Variants in VRTN observed in about 807,000 individuals in gnomAD.
The protein encoded by VRTN is vertnin.
A neutral mutation model predicts 18.2 loss-of-function variants in VRTN; 5 were observed. That is an observed-to-expected ratio of 0.27 (90% CI 0.14 to 0.58). The LOEUF (loss-of-function observed/expected upper bound fraction) is 0.58, where lower values mean the gene tolerates loss of function less well. VRTN is among the 20% of genes least tolerant of loss of function. The probability of loss-of-function intolerance (pLI) is 0.91; values close to 1 mark genes in which losing one functional copy is unlikely to be tolerated. For synonymous variants in VRTN, 381 were observed against 393.7 expected (o/e 0.97, Z 0.38); for missense variants, 741 against 939.4 (o/e 0.79, Z 2.76).
In VRTN at chr14:74,303,579, G is replaced by A. The variant is rs550139227; in HGVS notation, c.-164+403G>A. Among the ~76,000 whole-genome samples, 25 of 152,190 alleles carry A rather than the reference G, an allele frequency of 1.6e-4. No homozygotes were observed. In the East Asian group the frequency reaches 4.4e-3, roughly 27 times the overall value. On this transcript the variant is annotated intron_variant, in intron 1 of 2. Coordinates refer to the VRTN transcript ENST00000557177. ...AACAAATAAATAGATGATAATGATC[G>A]ATAGATAAGATAGATAGTTGAATGA...
At chr14:74,336,408 A>G (rs2085564612) in intron 1 of VRTN, among the ~76,000 whole-genome samples, 1 of 151,626 alleles carries the variant, frequency 6.6e-6, no homozygotes, top group African/African-American at 2.4e-5. Context: ...ACTCTGTCTC[A>G]AAAAAAACCC....
intron 1 of VRTN, among the ~76,000 whole-genome samples, chr14:74,335,483 C>T (rs2085557628): frequency 6.6e-6 from 1 of 151,570 alleles, no homozygotes; most frequent in African/African-American, 2.4e-5. Flanking sequence ...ATTAATTGAG[C>T]ATTTTGTGTA....
intron 1 of VRTN, among the ~76,000 whole-genome samples, chr14:74,352,260 C>T (rs1201285173): frequency 6.6e-6 from 1 of 152,026 alleles, no homozygotes; most frequent in Non-Finnish European, 1.5e-5. Context: ...CTCACTGCAA[C>T]CTCTGCTGCC....
At chr14:74,335,452 C>G (rs932010498) in intron 1 of VRTN, among the ~76,000 whole-genome samples, 35 of 152,186 alleles carry the variant, frequency 2.3e-4, no homozygotes, top group African/African-American at 8.4e-4. Context: ...GATCTAATCA[C>G]TATTTTAAAA....
chr14:74,312,400 A>G (rs1567038020), intron 1 of VRTN, among the ~76,000 whole-genome samples: 1 of 152,146 alleles, frequency 6.6e-6, no homozygotes, highest in Non-Finnish European at 1.5e-5. Context: ...GATTGGAGAG[A>G]GCAAAAGGCA....
intron 2 of VRTN, among the ~76,000 whole-genome samples, chr14:74,339,379 G>A (rs967564221): frequency 6.6e-6 from 1 of 152,092 alleles, no homozygotes; most frequent in African/African-American, 2.4e-5. Context: ...GAGTCTGAGT[G>A]GTCATCCATC....
chr14:74,339,694 G>T (rs2085588000), intron 2 of VRTN, among the ~76,000 whole-genome samples: 2 of 152,008 alleles, frequency 1.3e-5, no homozygotes, highest in Non-Finnish European at 2.9e-5. Context: ...CATGCCTGTA[G>T]TCCCAGCTAC....
intron 1 of VRTN, among the ~76,000 whole-genome samples, chr14:74,333,373 A>T (rs2085541932): frequency 6.6e-6 from 1 of 151,756 alleles, no homozygotes; most frequent in Non-Finnish European, 1.5e-5. Flanking sequence ...ACAGAGCGAG[A>T]CTCCATCTCA....
intron 1 of VRTN, among the ~76,000 whole-genome samples, chr14:74,332,959 C>T (rs2085538339): frequency 6.6e-6 from 1 of 152,166 alleles, no homozygotes; most frequent in Admixed American, 6.5e-5. Flanking sequence ...TACATGGCTT[C>T]CCATATTCTA....
chr14:74,347,517 T>C (rs1371970845), upstream of VRTN, among the ~76,000 whole-genome samples: 1 of 152,120 alleles, frequency 6.6e-6, no homozygotes, highest in African/African-American at 2.4e-5. Flanking sequence ...CATGGGGGCA[T>C]TTTACAGTGG....
chr14:74,356,731 T>C (rs943557530), intron 1 of VRTN, 52 bp from the exon 2 acceptor site: 1 of 1,519,782 alleles, frequency 6.6e-7, no homozygotes, highest in Non-Finnish European at 8.8e-7. Flanking sequence ...TTGCTAGTCA[T>C]CATCTGGGCA....
At chr14:74,355,613 C>T (rs950533093) in intron 1 of VRTN, among the ~76,000 whole-genome samples, 3 of 152,222 alleles carry the variant, frequency 2.0e-5, no homozygotes, top group South Asian at 2.1e-4. Flanking sequence ...CTACTCAGTG[C>T]GGCCTCCACC....
At chr14:74,307,137 C>CTTTTTTTTTTTTTT (rs56345315) in intron 1 of VRTN, among the ~76,000 whole-genome samples, 2 of 87,744 alleles carry the variant, frequency 2.3e-5, no homozygotes, top group Non-Finnish European at 2.1e-5. Flanking sequence ...TGTTGTGGCC[C>CTTTTTTTTTTTTTT]TTTTTTTTTT....
At chr14:74,308,831 T>C (rs903887425) in intron 1 of VRTN, among the ~76,000 whole-genome samples, 1 of 151,442 alleles carries the variant, frequency 6.6e-6, no homozygotes, top group African/African-American at 2.4e-5. Context: ...AGGCTTCTTA[T>C]GCCCTGGCCT....
intron 1 of VRTN, among the ~76,000 whole-genome samples, chr14:74,353,118 G>A (rs531572335): frequency 6.6e-6 from 1 of 152,018 alleles, no homozygotes; most frequent in South Asian, 2.1e-4. Flanking sequence ...GTCGGACATG[G>A]TGAAACCCCA....
chr14:74,331,544 T>TTATTTA (rs1555411069), intron 1 of VRTN, among the ~76,000 whole-genome samples: 1 of 43,450 alleles, frequency 2.3e-5, no homozygotes, highest in Non-Finnish European at 4.9e-5. Context: ...AAAAAAAATT[T>TTATTTA]TATATATATA....
At chr14:74,330,525 T>C (rs1194732629) in intron 1 of VRTN, among the ~76,000 whole-genome samples, 2 of 149,426 alleles carry the variant, frequency 1.3e-5, no homozygotes, top group Admixed American at 1.4e-4. Context: ...CACTGCAACC[T>C]CTGCCTCCCA....
In VRTN at chr14:74,312,842, A is replaced by G. The variant is rs545607194; in HGVS notation, c.-164+9666A>G. On this transcript the variant is annotated intron_variant, in intron 1 of 2. Coordinates refer to the VRTN transcript ENST00000557177. ...ACTGCAACCTTCGCCTCCCAGGTTC[A>G]AGTTATTCTCCTGTCTCAGCCTCCT... Among the ~76,000 whole-genome samples, 8 of 144,458 alleles carry G rather than the reference A, an allele frequency of 5.5e-5. No homozygotes were observed. In the East Asian group the frequency reaches 1.2e-3, roughly 22 times the overall value. The allele number at this position is 144,458 out of a possible 152,430, so 94.8% of individuals were successfully genotyped here. A position where few individuals can be genotyped will look rare whatever the true frequency, so the allele number is the denominator to read the frequency against.
chr14:74,309,716 T>A (rs2085375927), intron 1 of VRTN, among the ~76,000 whole-genome samples: 1 of 152,016 alleles, frequency 6.6e-6, no homozygotes, highest in Non-Finnish European at 1.5e-5. Flanking sequence ...ATAAATAAAA[T>A]TTTAAAAAAC....
Sources: allele counts gnomAD v4.1 joint callset (sites outside exome capture counted in the v4.1 genomes callset), GRCh38; gene constraint gnomAD v4.1.1; transcripts MANE v1.5; gene names NCBI Gene and HGNC (gene_info 2026-07-23, HGNC 2026-07-21).